The following CEP112 variants were observed in gnomAD, a reference collection of about 807,000 sequenced individuals.
CEP112 encodes centrosomal protein of 112 kDa.
Under a neutral mutation model 153.0 loss-of-function variants are expected in CEP112, and 127 were observed. The observed-to-expected ratio is 0.83, with a 90% CI of 0.72 to 0.96. CEP112 has a LOEUF of 0.96. Ranked by LOEUF, CEP112 falls within the 40% of genes least tolerant of loss-of-function variation. CEP112 has a pLI of 0.00. For missense variants in CEP112, 1,089 were observed against 1,101.2 expected (o/e 0.99, Z 0.16); for synonymous variants, 358 against 374.4 (o/e 0.96, Z 0.51).
chr17:65,776,517 G>A (rs1451672298), intron 21 of CEP112, among the ~76,000 whole-genome samples: 3 of 152,160 alleles, frequency 2.0e-5, no homozygotes, highest in African/African-American at 7.2e-5. Context: ...GAGCCACCGT[G>A]CCCGGCCAGC....
At chr17:66,164,861 A>AAT (rs1235955509) in intron 4 of CEP112, among the ~76,000 whole-genome samples, 18 of 144,758 alleles carry the variant, frequency 1.2e-4, no homozygotes, top group East Asian at 8.2e-4. Flanking sequence ...TCTCAAAAAA[A>AAT]ATATATATAT....
Position 66,132,699 on chromosome 17 carries a change from C to T in CEP112, c.535G>A (p.Asp179Asn). 1 of 1,613,866 alleles carries T rather than the reference C, an allele frequency of 6.2e-7. No individual in the cohort carries two copies. Among genetic ancestry groups the T allele is most frequent in the Non-Finnish European group, 8.5e-7 (1 of 1,179,750 alleles). The change falls in exon 5 of 27, where the codon GAT becomes AAT. Residue 179 changes from aspartate to asparagine, a missense_variant. Asp to Asn is a conservative substitution (Grantham distance 23). Transcript: ENST00000535342. ...ATCTTTGGGGTAATATTTTGTCCAT[C>T]TTCTCTGTGAGTTGGACTCAAGGAG... Reference protein sequence around the residue: ...SHSLSPTHREDGQNITPKICE... With the variant: ...SHSLSPTHRENGQNITPKICE...
chr17:66,073,279 G>A (rs919763286), intron 8 of CEP112, among the ~76,000 whole-genome samples: 6 of 152,104 alleles, frequency 3.9e-5, no homozygotes, highest in Non-Finnish European at 8.8e-5. Context: ...TGAAGACCAC[G>A]ATAGTCCCAA....
chr17:66,072,025 A>T (rs1568459482), intron 8 of CEP112, among the ~76,000 whole-genome samples: 1 of 152,182 alleles, frequency 6.6e-6, no homozygotes, highest in Non-Finnish European at 1.5e-5. Context: ...CTTAAAGAAA[A>T]GTTGCAATAA....
chr17:66,136,434 G>C (rs1011286652), intron 4 of CEP112, among the ~76,000 whole-genome samples: 59 of 152,044 alleles, frequency 3.9e-4, no homozygotes, highest in African/African-American at 1.4e-3. Context: ...GAACAAAGGT[G>C]GTGGTTTGGA....
At chr17:65,750,838 G>A in intron 21 of CEP112, 114 bp from the exon 22 acceptor site, 1 of 880,074 alleles carries the variant, frequency 1.1e-6, no homozygotes, top group Non-Finnish European at 1.9e-6. Context: ...CCCTTCTGGG[G>A]CAGCCAGAAA....
At chr17:66,127,719 C>T (rs185394978) in intron 6 of CEP112, among the ~76,000 whole-genome samples, 1 of 152,248 alleles carries the variant, frequency 6.6e-6, no homozygotes, top group East Asian at 1.9e-4. Flanking sequence ...CCAACATATA[C>T]CTCCAGCTCT....
At chr17:65,702,817 A>G (rs999616753) in intron 23 of CEP112, among the ~76,000 whole-genome samples, 2 of 152,156 alleles carry the variant, frequency 1.3e-5, no homozygotes, top group Non-Finnish European at 2.9e-5. Context: ...GCAAAGAGAC[A>G]GAATGTGTAA....
intron 12 of CEP112, among the ~76,000 whole-genome samples, chr17:66,036,468 T>C (rs952580982): frequency 5.9e-5 from 9 of 152,144 alleles, no homozygotes; most frequent in South Asian, 2.1e-4. Context: ...CAAGGCTTCA[T>C]GGACCACCGA....
At chr17:65,675,832 C>G (rs2047206927) in intron 24 of CEP112, among the ~76,000 whole-genome samples, 1 of 151,768 alleles carries the variant, frequency 6.6e-6, no homozygotes, top group South Asian at 2.1e-4. Flanking sequence ...TTACTGCATT[C>G]ACTGAATAAG....
intron 20 of CEP112, among the ~76,000 whole-genome samples, chr17:65,881,851 G>T (rs2059088220): frequency 6.6e-6 from 1 of 152,176 alleles, no homozygotes; most frequent in African/African-American, 2.4e-5. Flanking sequence ...GCATTTTGAG[G>T]ATTTCAACAT....
chr17:65,777,718 C>T (rs1541610), intron 21 of CEP112, among the ~76,000 whole-genome samples: 80,412 of 151,956 alleles, frequency 0.53, 23,150 homozygotes, highest in Non-Finnish European at 0.66. Flanking sequence ...TTATTCAAAC[C>T]TTTTATTTTA....
At chr17:65,963,743 T>C (rs1307894072) in intron 17 of CEP112, among the ~76,000 whole-genome samples, 1 of 151,846 alleles carries the variant, frequency 6.6e-6, no homozygotes, top group East Asian at 1.9e-4. Flanking sequence ...ACCCCTGTAT[T>C]TGGGATCCGC....
chr17:65,767,339 G>T (rs1246465385), intron 21 of CEP112, among the ~76,000 whole-genome samples: 1 of 151,986 alleles, frequency 6.6e-6, no homozygotes, highest in African/African-American at 2.4e-5. Flanking sequence ...TGAGACAAAT[G>T]ATAATGAAAA....
At chr17:65,788,205 A>T (rs1389712884) in intron 21 of CEP112, among the ~76,000 whole-genome samples, 2 of 152,222 alleles carry the variant, frequency 1.3e-5, no homozygotes, top group East Asian at 3.8e-4. Context: ...GTGATGGATT[A>T]TATTAATGGA....
At chr17:65,644,203 G>C (rs2045307794) in intron 24 of CEP112, 1 of 705,948 alleles carries the variant, frequency 1.4e-6, no homozygotes, top group African/African-American at 1.7e-5. Flanking sequence ...TTGGGGACCA[G>C]AAAGTGGCCA....
chr17:66,005,797 A>G lies in CEP112; in HGVS notation c.1657-28T>C. 2.5e-6 allele frequency: 4 copies of G among 1,584,002 alleles called. No individual in the cohort carries two copies. In the South Asian group the frequency reaches 3.5e-5, roughly 14 times the overall value. ...GCCATGACAAGAACATGGAAAATTT[A>G]TTGGAAGACGAGTAAAGTTTACTTC... On this transcript the variant is annotated intron_variant, in intron 16 of 26. Transcript: ENST00000535342.
At chr17:65,929,383 G>A (rs968498329) in intron 18 of CEP112, among the ~76,000 whole-genome samples, 6 of 152,118 alleles carry the variant, frequency 3.9e-5, no homozygotes, top group African/African-American at 1.4e-4. Context: ...CCTATAATGT[G>A]TCAGAAGTGC....
At chr17:65,701,745 C>T (rs890618313) in intron 23 of CEP112, among the ~76,000 whole-genome samples, 6 of 152,164 alleles carry the variant, frequency 3.9e-5, no homozygotes, top group East Asian at 1.9e-4. Context: ...CCTCAACCAG[C>T]TTCCCTTCCA....
Sources: gnomAD v4.1 joint callset for allele counts (sites outside exome capture counted in the v4.1 genomes callset) on GRCh38, gnomAD v4.1.1 for gene constraint, MANE v1.5 for transcripts, NCBI Gene and HGNC (gene_info 2026-07-23, HGNC 2026-07-21) for gene names.